ZNF711: variants seen among roughly 807,000 people sequenced by gnomAD.
The protein encoded by ZNF711 is ZFX family zinc finger ZNF711.
ZNF711 carries 3 observed loss-of-function variants against 43.5 expected under a neutral mutation model. The ratio of observed to expected loss-of-function variants is 0.07; its 90% CI spans 0.03 to 0.18. The LOEUF (loss-of-function observed/expected upper bound fraction) is 0.18, where lower values mean the gene tolerates loss of function less well. Among genes scored for constraint, ZNF711 ranks in the 10% least tolerant of loss-of-function variants. ZNF711 has a pLI of 1.00. For missense variants in ZNF711, 412 were observed against 604.0 expected, an observed-to-expected ratio of 0.68 and a Z score of 3.33; for synonymous variants, 209 against 207.7, an observed-to-expected ratio of 1.01 and a Z score of -0.06.
In ZNF711 at chrX:85,273,037, T is replaced by C. The variant is rs756780052; in HGVS notation, c.*1209T>C. ...ATGTAATGCATATGATATGTACTTT[T>C]AAGTTTTAGTTGCTTCATGTTTACA... is the stretch of plus-strand genomic sequence containing the variant. On this transcript the variant is annotated 3_prime_UTR_variant, in exon 11 of 11. Transcript: ENST00000674551. The C allele has an allele frequency of 8.9e-6, 1 of 112,330 alleles. No homozygotes were observed. The highest frequency in any genetic ancestry group is 9.5e-5 in the Admixed American group (1 of 10,536). 9.3% of individuals were successfully genotyped at this position (112,330 alleles called of 1,213,427 possible).
rs533014161 is a variant in ZNF711 at position 85,270,463 on chromosome X, C to T, written c.1247-188C>T. 6.4e-4 allele frequency among the ~76,000 whole-genome samples: 71 copies of T among 111,072 alleles called. No homozygotes were observed. The South Asian group carries it at 0.014, about 21-fold the overall frequency. On this transcript the variant is annotated intron_variant, in intron 10 of 10. Coordinates refer to ENST00000674551, the MANE Select transcript of ZNF711 (RefSeq NM_001330574.2). ...CATGTGAGTGGTTCATAGTAGAGTG[C>T]TGCTCATTACTTTTTAGTGAGCTAC...
At chrX:85,252,981 G>A (rs1407210481) in intron 4 of ZNF711, among the ~76,000 whole-genome samples, 1 of 111,796 alleles carries the variant, frequency 8.9e-6, no homozygotes, top group African/African-American at 3.3e-5. Flanking sequence ...CACTCTTTCA[G>A]GTACTACTTT....
Position 85,271,563 on chromosome X carries a change from A to G in ZNF711, c.2159A>G (p.Gln720Arg). The G allele has an allele frequency of 8.3e-7, 1 of 1,211,563 alleles. No homozygotes were observed. Among genetic ancestry groups the G allele is most frequent in the Non-Finnish European group, 1.1e-6 (1 of 895,261 alleles). The change falls in exon 11 of 11, where the codon CAG (glutamine) becomes CGG (arginine). Residue 720 changes from glutamine (Q) to arginine (R), a missense_variant. Physicochemically the swap from Gln to Arg is conservative, Grantham distance 43 (BLOSUM62 1). Transcript: ENST00000674551. The stretch of plus-strand genomic sequence containing the variant: ...ATCCTTTCAGTTCATACTAAAGATC[A>G]GCCATTGAAATGTAAAAGGTGCAAG... ...GHILSVHTKDQPLKCKRCKRG... is the reference protein window; with the variant it reads ...GHILSVHTKDRPLKCKRCKRG...
At chrX:85,253,863 A>T (rs1344018055) in intron 4 of ZNF711, among the ~76,000 whole-genome samples, 1 of 111,518 alleles carries the variant, frequency 9.0e-6, no homozygotes, top group East Asian at 2.8e-4. Context: ...TTGAGATAAT[A>T]TAAATTACTC....
At chrX:85,260,034 G>T (rs185466701) in intron 5 of ZNF711, among the ~76,000 whole-genome samples, 1 of 110,998 alleles carries the variant, frequency 9.0e-6, no homozygotes, top group Non-Finnish European at 1.9e-5. Context: ...TGTCATAAAT[G>T]GCTGTTATTA....
intron 5 of ZNF711, among the ~76,000 whole-genome samples, chrX:85,256,798 T>C (rs1265658709): frequency 1.8e-5 from 2 of 111,882 alleles, no homozygotes; most frequent in East Asian, 5.6e-4. Context: ...TTTTACATTG[T>C]TTTTAAGAAA....
At position 85,271,854 on chromosome X, in the gene ZNF711, A is replaced by AT; in HGVS notation, c.*29dup. The AT allele has an allele frequency of 8.7e-7, 1 of 1,144,272 alleles. No individual in the cohort carries two copies. Among genetic ancestry groups the AT allele is most frequent in the African/African-American group, 1.8e-5 (1 of 56,428 alleles). 94.3% of individuals were successfully genotyped at this position (1,144,272 alleles called of 1,213,427 possible). On this transcript the variant is annotated 3_prime_UTR_variant, in exon 11 of 11. Coordinates refer to ENST00000674551, the MANE Select transcript of ZNF711 (RefSeq NM_001330574.2). ...TAAGATCAATATAAAGAAAGAAGCT[A>AT]TTTAGGAGATATGATATGCTACTTG...
rs759446290 is a variant in ZNF711 at position 85,271,035 on chromosome X, T to C, written c.1631T>C (p.Val544Ala). Reference sequence around the variant, plus strand: ...CTGTTAAACAGGCATTTGTTGGCCGTTCACAGCAAGAATTTTCCTCATGTT... The same window carrying C: ...CTGTTAAACAGGCATTTGTTGGCCGCTCACAGCAAGAATTTTCCTCATGTT... ...QGLLNRHLLAVHSKNFPHVCV... is the reference protein window; with the variant it reads ...QGLLNRHLLAAHSKNFPHVCV... The change falls in exon 11 of 11, where the codon GTT becomes GCT. Residue 544 changes from valine (V) to alanine (A), a missense_variant. This residue lies in a region of ZNF711 where 375 missense variants were observed against 514.2 expected (regional missense o/e 0.73). Transcript: ENST00000674551. 1 of 1,209,523 alleles carries C rather than the reference T, an allele frequency of 8.3e-7. No individual in the cohort carries two copies. The highest frequency in any genetic ancestry group is 3.0e-5 in the East Asian group (1 of 33,704).
intron 4 of ZNF711, among the ~76,000 whole-genome samples, chrX:85,250,519 T>C (rs1361476920): frequency 8.9e-6 from 1 of 111,880 alleles, no homozygotes; most frequent in African/African-American, 3.2e-5. Flanking sequence ...AAGGCACTTA[T>C]TGTTGTTTTT....
intron 5 of ZNF711, among the ~76,000 whole-genome samples, chrX:85,257,863 C>A (rs1456101812): frequency 8.8e-6 from 1 of 113,112 alleles, no homozygotes; most frequent in Non-Finnish European, 1.9e-5. Flanking sequence ...AATGGCCATT[C>A]TGGCCATAAT....
In ZNF711 at chrX:85,271,645, G is replaced by A. The variant is rs868548625; in HGVS notation, c.2241G>A (p.Arg747=). The A allele has an allele frequency of 8.3e-7, 1 of 1,209,987 alleles. No individual in the cohort carries two copies. The highest frequency in any genetic ancestry group is 1.1e-6 in the Non-Finnish European group (1 of 894,499). The change falls in exon 11 of 11, where the codon AGG becomes AGA. Residue 747 remains arginine, a synonymous_variant. Transcript: ENST00000674551. ...LKKHMKTHTG[R]KIYQCEYCEY... ...AACATATGAAGACCCATACTGGAAG[G>A]AAGATTTACCAATGTGAGTATTGTG...
intron 4 of ZNF711, among the ~76,000 whole-genome samples, chrX:85,248,472 CAAAA>C (rs1166126484): frequency 1.0e-4 from 2 of 19,967 alleles, no homozygotes; most frequent in Admixed American, 1.2e-3. Flanking sequence ...GACTCAGTCT[CAAAA>C]AAAAAAAAAA....
chrX:85,265,076 C>G, intron 6 of ZNF711, 42 bp from the exon 7 acceptor site: 1 of 1,160,334 alleles, frequency 8.6e-7, no homozygotes, highest in Non-Finnish European at 1.2e-6. Flanking sequence ...GGTGGTTATT[C>G]CATGATACTT....
intron 7 of ZNF711, among the ~76,000 whole-genome samples, chrX:85,265,964 C>T (rs1357314725): frequency 9.0e-6 from 1 of 111,706 alleles, no homozygotes; most frequent in African/African-American, 3.3e-5. Flanking sequence ...GACGATCAAA[C>T]CTCCTCAGGT....
intron 9 of ZNF711, among the ~76,000 whole-genome samples, chrX:85,269,225 A>G (rs965796907): frequency 9.0e-6 from 1 of 111,319 alleles, no homozygotes; most frequent in Non-Finnish European, 1.9e-5. Flanking sequence ...CTTAGTCACC[A>G]TAACTATAAT....
At chrX:85,249,465 T>C (rs778113709) in intron 4 of ZNF711, among the ~76,000 whole-genome samples, 33 of 111,628 alleles carry the variant, frequency 3.0e-4, no homozygotes, top group Non-Finnish European at 4.9e-4. Flanking sequence ...AGAGGTTGGC[T>C]ATTAGCTAGT....
chrX:85,254,830 A>G (rs1404230128), intron 4 of ZNF711, among the ~76,000 whole-genome samples: 1 of 108,796 alleles, frequency 9.2e-6, no homozygotes, highest in Admixed American at 9.9e-5. Flanking sequence ...GAAAAAGAAA[A>G]AAAGAAATCG....
At chrX:85,269,914 G>T (rs1184215999) in intron 9 of ZNF711, 89 bp from the exon 10 acceptor site, 1 of 943,626 alleles carries the variant, frequency 1.1e-6, no homozygotes, top group Non-Finnish European at 1.5e-6. Flanking sequence ...GTGGTAACTT[G>T]GTGTCATGTC....
intron 5 of ZNF711, among the ~76,000 whole-genome samples, chrX:85,258,461 A>T: frequency 9.1e-6 from 1 of 110,418 alleles, no homozygotes; most frequent in Non-Finnish European, 1.9e-5. Flanking sequence ...AAATCTCATA[A>T]ATCACCGCTA....
Sources: allele counts gnomAD v4.1 joint callset (sites outside exome capture counted in the v4.1 genomes callset), GRCh38; gene constraint gnomAD v4.1.1; regional missense constraint gnomAD v4.1.1; transcripts MANE v1.5; gene names NCBI Gene and HGNC (gene_info 2026-07-23, HGNC 2026-07-21).